SYT1: variants seen among roughly 807,000 people sequenced by gnomAD.
The protein encoded by SYT1 is synaptotagmin-1.
Under a neutral mutation model 44.8 loss-of-function variants are expected in SYT1, and 8 were observed. That is an observed-to-expected ratio of 0.18 (90% CI 0.10 to 0.32). The LOEUF is 0.32. Among genes scored for constraint, SYT1 ranks in the 10% least tolerant of loss-of-function variants. SYT1 has a pLI of 1.00. For synonymous variants in SYT1, 154 were observed against 188.8 expected, an observed-to-expected ratio of 0.82 and a Z score of 1.51; for missense variants, 286 against 509.3, an observed-to-expected ratio of 0.56 and a Z score of 4.22.
intron 2 of SYT1, among the ~76,000 whole-genome samples, chr12:79,026,712 A>C (rs1872567182): frequency 9.4e-6 from 1 of 106,020 alleles, no homozygotes; most frequent in African/African-American, 3.4e-5. Flanking sequence ...TCACACTTTC[A>C]TTGTCCATTC....
At chr12:79,172,122 G>A (rs1320295519) in intron 3 of SYT1, among the ~76,000 whole-genome samples, 1 of 151,916 alleles carries the variant, frequency 6.6e-6, no homozygotes, top group Admixed American at 6.6e-5. Context: ...TCTAAATAGA[G>A]ATATAAACAC....
At chr12:79,141,419 T>C (rs142505792) in intron 3 of SYT1, among the ~76,000 whole-genome samples, 7 of 152,272 alleles carry the variant, frequency 4.6e-5, no homozygotes, top group African/African-American at 1.7e-4. Context: ...GCACATAATA[T>C]ATATAATATT....
At chr12:79,390,691 T>G (rs1007851295) in intron 9 of SYT1, among the ~76,000 whole-genome samples, 1 of 152,222 alleles carries the variant, frequency 6.6e-6, no homozygotes, top group Non-Finnish European at 1.5e-5. Context: ...AGCTCAATAT[T>G]CAATTCACAT....
intron 3 of SYT1, among the ~76,000 whole-genome samples, chr12:79,071,001 T>C (rs1048059542): frequency 9.2e-5 from 14 of 152,120 alleles, no homozygotes; most frequent in African/African-American, 3.4e-4. Flanking sequence ...AGTAGATAAC[T>C]CAAACCTCGG....
chr12:79,141,056 A>G (rs904320530), intron 3 of SYT1, among the ~76,000 whole-genome samples: 4 of 152,220 alleles, frequency 2.6e-5, no homozygotes, highest in Non-Finnish European at 5.9e-5. Context: ...TTTTGTTAAA[A>G]CAAAAACTAT....
chr12:78,886,772 T>G (rs779745303), intron 1 of SYT1, among the ~76,000 whole-genome samples: 1 of 152,020 alleles, frequency 6.6e-6, no homozygotes, highest in East Asian at 1.9e-4. Flanking sequence ...GAAAAGTGTA[T>G]GATAGTGCGT....
chr12:79,396,906 A>G (rs1446605612), intron 9 of SYT1, among the ~76,000 whole-genome samples: 1 of 152,222 alleles, frequency 6.6e-6, no homozygotes, highest in Non-Finnish European at 1.5e-5. Context: ...AGACAAATAG[A>G]ATAATGTGAA....
At chr12:79,314,948 C>A (rs545181439) in intron 8 of SYT1, among the ~76,000 whole-genome samples, 1 of 152,138 alleles carries the variant, frequency 6.6e-6, no homozygotes, top group African/African-American at 2.4e-5. Flanking sequence ...AATCCACAGA[C>A]AGACAGAAAG....
intron 4 of SYT1, among the ~76,000 whole-genome samples, chr12:79,269,789 T>G (rs1172568653): frequency 6.6e-6 from 1 of 152,092 alleles, no homozygotes; most frequent in African/African-American, 2.4e-5. Flanking sequence ...GACATATGAT[T>G]CAAAAAAGGT....
At chr12:79,207,463 C>G (rs1874191475) in intron 3 of SYT1, among the ~76,000 whole-genome samples, 1 of 152,142 alleles carries the variant, frequency 6.6e-6, no homozygotes, top group South Asian at 2.1e-4. Flanking sequence ...CTGCGTCCAT[C>G]AACCCATCAC....
At chr12:79,200,185 A>C (rs1873696911) in intron 3 of SYT1, among the ~76,000 whole-genome samples, 1 of 152,172 alleles carries the variant, frequency 6.6e-6, no homozygotes, top group Admixed American at 6.5e-5. Flanking sequence ...AACCGTTTCC[A>C]AGACATAGAA....
At chr12:78,929,802 T>C (rs1024787600) in intron 1 of SYT1, among the ~76,000 whole-genome samples, 2 of 152,140 alleles carry the variant, frequency 1.3e-5, no homozygotes, top group African/African-American at 4.8e-5. Flanking sequence ...AAGCTGCAAA[T>C]AGCAAGATAC....
At chr12:78,915,495 ATT>A (rs1458491966) in intron 1 of SYT1, among the ~76,000 whole-genome samples, 1 of 151,976 alleles carries the variant, frequency 6.6e-6, no homozygotes, top group Non-Finnish European at 1.5e-5. Context: ...CACAGAAGAT[ATT>A]TTCTTTCCTG....
intron 3 of SYT1, among the ~76,000 whole-genome samples, chr12:79,179,171 TATAGATATATAGATATAG>T (rs1872190691): frequency 3.6e-5 from 3 of 82,206 alleles, no homozygotes; most frequent in Non-Finnish European, 5.0e-5. Context: ...TAGATATAGA[TATAGATATATAGATATAG>T]ATATAGATAT....
intron 3 of SYT1, among the ~76,000 whole-genome samples, chr12:79,138,148 T>C (rs562467162): frequency 6.6e-6 from 1 of 152,318 alleles, no homozygotes; most frequent in East Asian, 1.9e-4. Flanking sequence ...AAAAATACTT[T>C]ACCTCTGAAG....
intron 2 of SYT1, among the ~76,000 whole-genome samples, chr12:78,982,010 A>G (rs1869299959): frequency 6.6e-6 from 1 of 152,146 alleles, no homozygotes. Flanking sequence ...TTGTTCCTCT[A>G]TTCTGCTGAT....
At chr12:79,258,071 A>T (rs1446592055) in intron 4 of SYT1, among the ~76,000 whole-genome samples, 1 of 150,512 alleles carries the variant, frequency 6.6e-6, no homozygotes, top group Non-Finnish European at 1.5e-5. Flanking sequence ...TTAATTAGTA[A>T]ATATAAAAAG....
intron 4 of SYT1, among the ~76,000 whole-genome samples, chr12:79,254,906 G>C (rs1198875513): frequency 1.3e-5 from 2 of 152,180 alleles, no homozygotes; most frequent in African/African-American, 4.8e-5. Context: ...AACAGATAAA[G>C]AATTGCTTCT....
chr12:79,064,926 G>GATAA lies in SYT1; in HGVS notation c.-18+17565_-18+17566insTAAA, dbSNP rs549891799. ...CCCACTCTTTAGACAAAAAAATAGA[G>GATAA]AGAAAGAAAGAAAGAAAGAAAGAAA... On this transcript the variant is annotated intron_variant, in intron 3 of 10. Coordinates refer to ENST00000261205, the MANE Select transcript of SYT1 (RefSeq NM_005639.3). Among the ~76,000 whole-genome samples, 25 of 111,530 alleles carry GATAA rather than the reference G, an allele frequency of 2.2e-4. No individual in the cohort carries two copies. In the Admixed American group the frequency reaches 2.3e-3, roughly 10 times the overall value. 73.2% of individuals were successfully genotyped at this position (111,530 alleles called of 152,430 possible).
Sources: gnomAD v4.1 joint callset for allele counts (sites outside exome capture counted in the v4.1 genomes callset) on GRCh38, gnomAD v4.1.1 for gene constraint, MANE v1.5 for transcripts, NCBI Gene and HGNC (gene_info 2026-07-23, HGNC 2026-07-21) for gene names.